Variants in GPAT3 observed in about 807,000 individuals in gnomAD.
GPAT3 encodes the protein 1-AGP acyltransferase 9.
GPAT3 carries 53 observed loss-of-function variants against 58.8 expected under a neutral mutation model. That is an observed-to-expected ratio of 0.90 (90% CI 0.72 to 1.13). The LOEUF (loss-of-function observed/expected upper bound fraction) is 1.13, where lower values mean the gene tolerates loss of function less well. Among genes scored for constraint, GPAT3 ranks in the 50% most tolerant of loss-of-function variants. The probability of loss-of-function intolerance (pLI) is 0.00; values close to 1 mark genes in which losing one functional copy is unlikely to be tolerated. For missense variants in GPAT3, 511 were observed against 527.6 expected, an observed-to-expected ratio of 0.97 and a Z score of 0.31; for synonymous variants, 197 against 187.4, an observed-to-expected ratio of 1.05 and a Z score of -0.42.
intron 2 of GPAT3, among the ~76,000 whole-genome samples, chr4:83,574,653 T>TAGAA (rs1725724815): frequency 1.2e-5 from 1 of 84,126 alleles, no homozygotes; most frequent in African/African-American, 4.7e-5. Flanking sequence ...TTTTTTTTTT[T>TAGAA]TTTTTTTTTT....
At chr4:83,546,981 T>A (rs1724543752) in intron 2 of GPAT3, among the ~76,000 whole-genome samples, 1 of 152,080 alleles carries the variant, frequency 6.6e-6, no homozygotes, top group South Asian at 2.1e-4. Flanking sequence ...ATCTGAGAAG[T>A]AGTGTCACAA....
chr4:83,598,395 C>T, intron 10 of GPAT3: 2 of 719,746 alleles, frequency 2.8e-6, no homozygotes, highest in Non-Finnish European at 2.2e-6. Flanking sequence ...TTTATTGAAC[C>T]TACAGATATT....
At chr4:83,592,091 A>G (rs745692297) in intron 6 of GPAT3, among the ~76,000 whole-genome samples, 6 of 152,190 alleles carry the variant, frequency 3.9e-5, no homozygotes, top group Non-Finnish European at 7.3e-5. Flanking sequence ...GTTGCAAACC[A>G]TAACACTCCT....
In GPAT3 at chr4:83,578,927, T is replaced by TTTC. The variant is rs1158032861; in HGVS notation, c.209-2634_209-2633insTCT. ...TTTTCTTTTTTCTTTTTTCTTTTCT[T>TTTC]TCTTTCTTTCTTTTCTTTTCTTTTC... On this transcript the variant is annotated intron_variant, in intron 2 of 11. Coordinates refer to ENST00000264409, the MANE Select transcript of GPAT3 (RefSeq NM_032717.5). 8.7e-4 allele frequency among the ~76,000 whole-genome samples: 8 copies of TTTC among 9,228 alleles called. No homozygotes were observed. In the South Asian group the frequency reaches 0.028, roughly 32 times the overall value. The allele number at this position is 9,228 out of a possible 152,430, so 6.1% of individuals were successfully genotyped here.
In GPAT3 at chr4:83,598,636, T is replaced by A. The variant is rs778710679; in HGVS notation, c.1126-8T>A. ...ATATTCTTGCAATTTTTTTTTTTTT[T>A]AAACCAGGAAGGAGAAGATGCAGTC... On this transcript the variant is annotated splice_region_variant and splice_polypyrimidine_tract_variant and intron_variant, in intron 10 of 11. Coordinates refer to ENST00000264409, the MANE Select transcript of GPAT3 (RefSeq NM_032717.5). 20 of 1,590,828 alleles carry A rather than the reference T, an allele frequency of 1.3e-5. No individual in the cohort carries two copies. The highest frequency in any genetic ancestry group is 1.1e-4 in the Admixed American group (6 of 56,348).
chr4:83,564,826 T>C (rs1212026227), intron 2 of GPAT3, among the ~76,000 whole-genome samples: 1 of 152,236 alleles, frequency 6.6e-6, no homozygotes, highest in Non-Finnish European at 1.5e-5. Context: ...CATTTATATA[T>C]AGTCTAATTT....
chr4:83,562,225 A>AATATATAT (rs1553944929), intron 2 of GPAT3, among the ~76,000 whole-genome samples: 2 of 61,400 alleles, frequency 3.3e-5, no homozygotes, highest in African/African-American at 1.6e-4. Flanking sequence ...ATATATATAT[A>AATATATAT]ATATATATAT....
rs752414447 is a variant in GPAT3, at chr4:83,590,206, A to C, written c.652A>C (p.Arg218=). 1 of 1,613,754 alleles carries C rather than the reference A, an allele frequency of 6.2e-7. No homozygotes were observed. Among genetic ancestry groups the C allele is most frequent in the South Asian group, 1.1e-5 (1 of 91,036 alleles). The change falls in exon 6 of 12, where the codon AGA becomes CGA. Residue 218 remains arginine (R), a synonymous_variant. Transcript: ENST00000264409. ...CATTGTTTGTAATTGCAGGCAGTAC[A>C]GACCCCAGAAGGGAGGCATTTGTGT... ...GTIHYHNKQY[R]PQKGGICVAN... is the part of the protein sequence containing the mutation.
rs201353957 is a variant in GPAT3 at position 83,591,140 on chromosome 4, C to CA, written c.738+849dup. On this transcript the variant is annotated intron_variant, in intron 6 of 11. Transcript: ENST00000264409. Reference sequence around the variant, plus strand: ...TGGGTTTTATTTCACTTACCAGTTCCAGGGATTGACAGCCATGGTTTGGTG... The same window carrying CA: ...TGGGTTTTATTTCACTTACCAGTTCCAAGGGATTGACAGCCATGGTTTGGTG... Among the ~76,000 whole-genome samples, 771 of 152,104 alleles carry CA rather than the reference C, an allele frequency of 5.1e-3. 7 individuals are homozygous for CA. Among genetic ancestry groups the CA allele is most frequent in the African/African-American group, 0.017 (726 of 41,494 alleles).
intron 2 of GPAT3, among the ~76,000 whole-genome samples, chr4:83,576,159 G>A (rs1484323680): frequency 1.3e-5 from 2 of 152,050 alleles, no homozygotes; most frequent in African/African-American, 4.8e-5. Context: ...ATTAGTACAT[G>A]TTCTAGCTAA....
chr4:83,536,407 A>G lies in GPAT3; in HGVS notation c.-216A>G, dbSNP rs138114376. On this transcript the variant is annotated 5_prime_UTR_variant, in exon 1 of 12. Transcript: ENST00000264409. ...CCCAGACCTGGGCAGCCAGCGGAGA[A>G]AGAGTTAACTGGCAGGGGCGAGGAG... The G allele has an allele frequency of 2.9e-4, 393 of 1,341,804 alleles. 6 individuals are homozygous for G. In the East Asian group the frequency reaches 0.011, roughly 37 times the overall value. 83.1% of individuals were successfully genotyped at this position (1,341,804 alleles called of 1,614,324 possible). A position where few individuals can be genotyped will look rare whatever the true frequency, so the allele number is the denominator to read the frequency against.
chr4:83,570,882 A>C (rs926909920), intron 2 of GPAT3, among the ~76,000 whole-genome samples: 2 of 152,194 alleles, frequency 1.3e-5, no homozygotes, highest in Admixed American at 1.3e-4. Flanking sequence ...GATTTTTTAC[A>C]TATTTGTAGG....
At chr4:83,588,096 G>T (rs962887744) in intron 4 of GPAT3, 114 bp from the exon 5 acceptor site, 50 of 815,122 alleles carry the variant, frequency 6.1e-5, no homozygotes, top group Non-Finnish European at 9.7e-5. Context: ...AACTGTACCT[G>T]TTCACCAGAA....
chr4:83,585,563 T>C (rs529033800), intron 3 of GPAT3, among the ~76,000 whole-genome samples: 1 of 152,206 alleles, frequency 6.6e-6, no homozygotes, highest in South Asian at 2.1e-4. Context: ...AGATGTGTTA[T>C]TGATGGAGTG....
intron 2 of GPAT3, among the ~76,000 whole-genome samples, chr4:83,562,457 A>G (rs986741604): frequency 6.6e-6 from 1 of 151,212 alleles, no homozygotes; most frequent in African/African-American, 2.4e-5. Flanking sequence ...TGTGTGTGGG[A>G]GAAGTGGAGA....
At chr4:83,562,180 TATATATATATATATATATA>T (rs1380481183) in intron 2 of GPAT3, among the ~76,000 whole-genome samples, 3 of 28,666 alleles carry the variant, frequency 1.0e-4, no homozygotes, top group South Asian at 2.1e-3. Context: ...TTTTATATAT[TATATATATATATATATATA>T]ATATATATAT....
At chr4:83,569,959 A>G (rs1048773219) in intron 2 of GPAT3, among the ~76,000 whole-genome samples, 3 of 152,208 alleles carry the variant, frequency 2.0e-5, no homozygotes, top group African/African-American at 4.8e-5. Context: ...TCTTGTATCA[A>G]TTAAAGTTAT....
At chr4:83,567,773 A>AAAC (rs900411304) in intron 2 of GPAT3, among the ~76,000 whole-genome samples, 5 of 152,122 alleles carry the variant, frequency 3.3e-5, no homozygotes, top group African/African-American at 4.8e-5. Flanking sequence ...CTCTATTTGA[A>AAAC]AACAACAACA....
chr4:83,561,996 G>A (rs892435861), intron 2 of GPAT3, among the ~76,000 whole-genome samples: 2 of 150,738 alleles, frequency 1.3e-5, no homozygotes, highest in Admixed American at 6.6e-5. Flanking sequence ...CGCCTTATGT[G>A]ATGAATGGAG....
Sources: gnomAD v4.1 joint callset for allele counts (sites outside exome capture counted in the v4.1 genomes callset) on GRCh38, gnomAD v4.1.1 for gene constraint, MANE v1.5 for transcripts, NCBI Gene and HGNC (gene_info 2026-07-23, HGNC 2026-07-21) for gene names.